The following SYPL1 variants were observed in gnomAD, a reference collection of about 807,000 sequenced individuals.
SYPL1 encodes synaptophysin like 1, also known as synaptophysin-like protein 1.
SYPL1 carries 6 observed loss-of-function variants against 23.7 expected under a neutral mutation model. That is an observed-to-expected ratio of 0.25 (90% confidence interval 0.14 to 0.50). SYPL1 has a LOEUF of 0.50. SYPL1 is among the 20% of genes least tolerant of loss of function. The pLI, the probability that SYPL1 is intolerant of heterozygous loss-of-function variation, is 0.98. For missense variants in SYPL1, 253 were observed against 288.9 expected, an observed-to-expected ratio of 0.88 and a Z score of 0.90; for synonymous variants, 102 against 104.5, an observed-to-expected ratio of 0.98 and a Z score of 0.15.
chr7:106,094,781 CTT>C (rs562783166), intron 3 of SYPL1, among the ~76,000 whole-genome samples: 1 of 151,096 alleles, frequency 6.6e-6, no homozygotes, highest in African/African-American at 2.4e-5. Context: ...CTTCCAAAGT[CTT>C]TTTTTTTCGT....
Position 106,091,811 on chromosome 7 carries a change from T to G in SYPL1, c.720A>C (p.Gly240=). The change falls in exon 5 of 5, where the codon GGA becomes GGC. Residue 240 remains glycine (G), a synonymous_variant. Coordinates refer to ENST00000455385, the MANE Select transcript of SYPL1 (RefSeq NM_182715.4). The surrounding 1 kb of genome is among the most constrained non-coding windows in gnomAD (Gnocchi z 5.0). ...AGTGTATTTCTCCCTTTAATTATAT[T>G]CCGGTAGGAGGTGGAATACCTCCTT... ...HSQGGIPPPT[G]I is the part of the protein sequence containing the mutation. 1 of 1,610,884 alleles carries G rather than the reference T, an allele frequency of 6.2e-7. No individual in the cohort carries two copies. The highest frequency in any genetic ancestry group is 8.5e-7 in the Non-Finnish European group (1 of 1,178,924).
chr7:106,098,583 A>C (rs2116120459), intron 2 of SYPL1, among the ~76,000 whole-genome samples: 1 of 152,290 alleles, frequency 6.6e-6, no homozygotes, highest in African/African-American at 2.4e-5. Context: ...GAAGATTCCC[A>C]CCCTGGCTTA....
intron 3 of SYPL1, among the ~76,000 whole-genome samples, chr7:106,094,840 T>C (rs141132866): frequency 6.6e-6 from 1 of 152,140 alleles, no homozygotes; most frequent in Non-Finnish European, 1.5e-5. Context: ...CATTCTTATA[T>C]TTCAAAAGCA....
chr7:106,092,480 G>A lies in SYPL1; in HGVS notation c.591+469C>T, dbSNP rs535937500. ...TTGAGGTCGGGAGTTTGACCAGCCT[G>A]GCCAATATGGTGAAACCCTGTCTCT... On this transcript the variant is annotated intron_variant, in intron 4 of 4. Coordinates refer to ENST00000455385, the MANE Select transcript of SYPL1 (RefSeq NM_182715.4). 3.3e-4 allele frequency: 81 copies of A among 247,182 alleles called. 1 individual carries two copies. The highest frequency in any genetic ancestry group is 3.2e-3 in the South Asian group (81 of 25,586). 15.3% of individuals were successfully genotyped at this position (247,182 alleles called of 1,614,324 possible). A position where few individuals can be genotyped will look rare whatever the true frequency, so the allele number is the denominator to read the frequency against.
chr7:106,108,606 TG>T, intron 1 of SYPL1, among the ~76,000 whole-genome samples: 1 of 152,320 alleles, frequency 6.6e-6, no homozygotes, highest in African/African-American at 2.4e-5. Context: ...GCAAGTAGAT[TG>T]GTCCAGGTCT....
chr7:106,108,350 GT>G (rs1840723661), intron 1 of SYPL1, among the ~76,000 whole-genome samples: 2 of 152,104 alleles, frequency 1.3e-5, no homozygotes, highest in African/African-American at 4.8e-5. Context: ...GACAGCATTT[GT>G]TGCCACTGAC....
Position 106,090,853 on chromosome 7 carries a change from A to C in SYPL1, c.*952T>G, listed in dbSNP as rs1839693303. On this transcript the variant is annotated 3_prime_UTR_variant, in exon 5 of 5. Transcript: ENST00000455385. ...TGAAATCCAAATTGCACTTATTTTC[A>C]CAATATCAATGCTAAACTCAAAATA... 1 of 152,240 alleles carries C rather than the reference A, an allele frequency of 6.6e-6. No homozygotes were observed. Among genetic ancestry groups the C allele is most frequent in the Non-Finnish European group, 1.5e-5 (1 of 68,036 alleles). The allele number at this position is 152,240 out of a possible 1,614,324, so 9.4% of individuals were successfully genotyped here. A position where few individuals can be genotyped will look rare whatever the true frequency, so the allele number is the denominator to read the frequency against.
chr7:106,111,736 A>T (rs1790159087), intron 1 of SYPL1: 1 of 153,700 alleles, frequency 6.5e-6, no homozygotes, highest in South Asian at 2.1e-4. Context: ...ACCGGCAGGG[A>T]CGTAACCGCT....
In SYPL1 at chr7:106,097,818, C is replaced by T. The variant is rs373490128; in HGVS notation, c.274G>A (p.Asp92Asn). 5.6e-6 allele frequency: 9 copies of T among 1,613,926 alleles called. No individual in the cohort carries two copies. Among genetic ancestry groups the T allele is most frequent in the African/African-American group, 4.0e-5 (3 of 74,930 alleles). The change falls in exon 3 of 5, where the codon GAT becomes AAT. Residue 92 changes from aspartate to asparagine, a missense_variant. Asp to Asn is a conservative substitution (Grantham distance 23). Coordinates refer to ENST00000455385, the MANE Select transcript of SYPL1 (RefSeq NM_182715.4). The surrounding 1 kb of genome is among the most constrained non-coding windows in gnomAD (Gnocchi z 4.6). ...TAGAATTGTGCAGAAGAAGAGTAAT[C>T]GCCTATGAGGACGTAATCTTTCCAA... Reference protein sequence around the residue: ...VNWKDYVLIGDYSSSAQFYVT... With the variant: ...VNWKDYVLIGNYSSSAQFYVT...
chr7:106,110,969 T>C (rs981998220), intron 1 of SYPL1, among the ~76,000 whole-genome samples: 1 of 152,236 alleles, frequency 6.6e-6, no homozygotes, highest in Non-Finnish European at 1.5e-5. Context: ...TCTTTATACT[T>C]AAATCTGGAC....
rs176485 is a variant in SYPL1 at position 106,091,983 on chromosome 7, T to A, written c.592-44A>T. The stretch of plus-strand genomic sequence containing the variant: ...AATATGAAAATCAAATACCTACTTA[T>A]AAAAATTCATGCCCTACTTAAAAAT... On this transcript the variant is annotated intron_variant, in intron 4 of 4. Coordinates refer to ENST00000455385, the MANE Select transcript of SYPL1 (RefSeq NM_182715.4). This position sits in a 1 kb window ranked among gnomAD's most constrained non-coding sequence, Gnocchi z 5.0. 0.09 allele frequency: 139,840 copies of A among 1,551,964 alleles called. 6,503 individuals are homozygous for A. The highest frequency in any genetic ancestry group is 0.17 in the Middle Eastern group (1,000 of 5,778).
At chr7:106,112,470 A>G, upstream of SYPL1, 2 of 1,504,530 alleles carry the variant, frequency 1.3e-6, no homozygotes, top group Admixed American at 2.3e-5. Context: ...GCTTCTCCTC[A>G]GGCCGCACCT....
chr7:106,097,086 T>C lies in SYPL1; in HGVS notation c.402+604A>G, dbSNP rs1209131894. On this transcript the variant is annotated intron_variant, in intron 3 of 4. Transcript: ENST00000455385. The surrounding 1 kb of genome is among the most constrained non-coding windows in gnomAD (Gnocchi z 4.6). ...CAAAAAGTAACTGAGTATGGTGGCTTGTGACTGTAGTCCCAGCTACTCAGG... is the reference window on the plus strand; with the variant it reads ...CAAAAAGTAACTGAGTATGGTGGCTCGTGACTGTAGTCCCAGCTACTCAGG... 1.3e-5 allele frequency among the ~76,000 whole-genome samples: 2 copies of C among 152,128 alleles called. No homozygotes were observed. Among genetic ancestry groups the C allele is most frequent in the Non-Finnish European group, 2.9e-5 (2 of 68,016 alleles).
At chr7:106,093,366 T>TCCC in intron 3 of SYPL1, 1 of 412,054 alleles carries the variant, frequency 2.4e-6, no homozygotes. Flanking sequence ...CCCTCAGAAG[T>TCCC]CTAAGATTTT....
chr7:106,111,955 C>T lies in SYPL1; in HGVS notation c.69+185G>A, dbSNP rs542729536. The T allele has an allele frequency of 5.3e-4, 358 of 676,434 alleles. 3 individuals are homozygous for T. The African/African-American group carries it at 6.3e-3, about 12-fold the overall frequency. 41.9% of individuals were successfully genotyped at this position (676,434 alleles called of 1,614,324 possible). On this transcript the variant is annotated intron_variant, in intron 1 of 4. Coordinates refer to ENST00000455385, the MANE Select transcript of SYPL1 (RefSeq NM_182715.4). Reference sequence around the variant, plus strand: ...GCTCGTGATTCGACGCCCGCCGCGGCGTCTCCGCCCCGCGCGGCCCAGGCC... The same window carrying T: ...GCTCGTGATTCGACGCCCGCCGCGGTGTCTCCGCCCCGCGCGGCCCAGGCC...
chr7:106,111,152 C>T (rs1401783188), intron 1 of SYPL1, among the ~76,000 whole-genome samples: 1 of 152,182 alleles, frequency 6.6e-6, no homozygotes, highest in Non-Finnish European at 1.5e-5. Flanking sequence ...ATTAGGTACC[C>T]ATCAGAGAAA....
Position 106,112,258 on chromosome 7 carries a change from G to A in SYPL1, c.-50C>T, listed in dbSNP as rs376663730. On this transcript the variant is annotated 5_prime_UTR_variant, in exon 1 of 5. Coordinates refer to ENST00000455385, the MANE Select transcript of SYPL1 (RefSeq NM_182715.4). ...AGTCAGGACGACGGGGCGGAGGAGGGGACCGACGAGACCAGAGCAGCCCGG... is the reference window on the plus strand; with the variant it reads ...AGTCAGGACGACGGGGCGGAGGAGGAGACCGACGAGACCAGAGCAGCCCGG... 128 of 1,512,096 alleles carry A rather than the reference G, an allele frequency of 8.5e-5. No individual in the cohort carries two copies. In the South Asian group the frequency reaches 1.4e-3, roughly 16 times the overall value. The allele number at this position is 1,512,096 out of a possible 1,614,324, so 93.7% of individuals were successfully genotyped here.
Position 106,092,976 on chromosome 7 carries a change from G to T in SYPL1, c.564C>A (p.Thr188=). 6.2e-7 allele frequency: 1 copy of T among 1,607,332 alleles called. No homozygotes were observed. Among genetic ancestry groups the T allele is most frequent in the Non-Finnish European group, 8.5e-7 (1 of 1,177,306 alleles). Residue 188 remains threonine, a synonymous_variant, in exon 4 of 5, where the codon ACC becomes ACA. Transcript: ENST00000455385. ...CAGATACATTTAGGGATCCCATACT[G>T]GTCACAGAGCCAAAGTAACACAGTA... ...KAVLCYFGSV[T]SMGSLNVSVI... is the part of the protein sequence containing the mutation.
In SYPL1 at chr7:106,096,081, T is replaced by C. The variant is rs1053712860; in HGVS notation, c.402+1609A>G. Among the ~76,000 whole-genome samples, 7 of 152,210 alleles carry C rather than the reference T, an allele frequency of 4.6e-5. No homozygotes were observed. Among genetic ancestry groups the C allele is most frequent in the Non-Finnish European group, 1.0e-4 (7 of 68,024 alleles). On this transcript the variant is annotated intron_variant, in intron 3 of 4. Transcript: ENST00000455385. The surrounding 1 kb of genome is among the most constrained non-coding windows in gnomAD (Gnocchi z 4.4). The stretch of plus-strand genomic sequence containing the variant: ...AAAATATAATTATCTATAAGATTAT[T>C]CCAGTTCCCTTTTAAATAAGATTTG...
Sources: gnomAD v4.1 joint callset for allele counts (sites outside exome capture counted in the v4.1 genomes callset) on GRCh38, gnomAD v4.1.1 for gene constraint, Gnocchi (gnomAD v3.1) non-coding constraint, MANE v1.5 for transcripts, NCBI Gene and HGNC (gene_info 2026-07-23, HGNC 2026-07-21) for gene names.